Variants in ZNF704 observed in about 807,000 individuals in gnomAD.
ZNF704 encodes the protein glucocorticoid induced gene 1.
In ZNF704, 10 loss-of-function variants were observed where a neutral mutation model predicts 44.7. The observed-to-expected ratio is 0.22, with a 90% CI of 0.14 to 0.38. ZNF704 has a LOEUF of 0.38. Among genes scored for constraint, ZNF704 ranks in the 10% least tolerant of loss-of-function variants. The probability of loss-of-function intolerance (pLI) is 1.00; values close to 1 mark genes in which losing one functional copy is unlikely to be tolerated. For synonymous variants in ZNF704, 211 were observed against 207.6 expected, an observed-to-expected ratio of 1.02 and a Z score of -0.14; for missense variants, 390 against 545.5, an observed-to-expected ratio of 0.71 and a Z score of 2.84.
chr8:80,668,666 G>A (rs749069292), intron 5 of ZNF704, among the ~76,000 whole-genome samples: 9 of 152,220 alleles, frequency 5.9e-5, no homozygotes, highest in Non-Finnish European at 1.0e-4. Flanking sequence ...AGAATGGAGT[G>A]AGATTGAAAA....
At chr8:80,808,874 T>C (rs1295979510) in intron 2 of ZNF704, among the ~76,000 whole-genome samples, 14 of 152,244 alleles carry the variant, frequency 9.2e-5, no homozygotes. Context: ...TTTTCTGTTT[T>C]ATTCAGTAGC....
At chr8:80,687,526 G>T in intron 3 of ZNF704, 68 bp from the exon 4 acceptor site, 1 of 1,246,724 alleles carries the variant, frequency 8.0e-7, no homozygotes, top group Non-Finnish European at 1.1e-6. Flanking sequence ...GTGGGGAAAT[G>T]GGAGCCTTGG....
At chr8:80,710,111 A>C (rs115494823) in intron 2 of ZNF704, among the ~76,000 whole-genome samples, 2 of 152,294 alleles carry the variant, frequency 1.3e-5, no homozygotes, top group African/African-American at 4.8e-5. Context: ...AAAGATGGTC[A>C]GGTTAAATAA....
In ZNF704 at chr8:80,864,525, TA is replaced by T. The variant is rs571170042; in HGVS notation, c.-22+10045del. 3.8e-3 allele frequency among the ~76,000 whole-genome samples: 571 copies of T among 152,154 alleles called. 2 individuals are homozygous for T. The highest frequency in any genetic ancestry group is 0.012 in the African/African-American group (501 of 41,516). Reference sequence around the variant, plus strand: ...TCTTTGTTTGAAATATTTTATAAAATAAAAAAAATTGTATCTCTACTTTTAA... The same window carrying T: ...TCTTTGTTTGAAATATTTTATAAAATAAAAAAATTGTATCTCTACTTTTAA... On this transcript the variant is annotated intron_variant, in intron 1 of 8. Transcript: ENST00000327835.
intron 1 of ZNF704, among the ~76,000 whole-genome samples, chr8:80,831,321 A>T (rs371351531): frequency 3.3e-5 from 5 of 152,202 alleles, no homozygotes; most frequent in East Asian, 3.8e-4. Flanking sequence ...ATGCACCTGG[A>T]GAGCAACTTT....
At chr8:80,826,505 GC>G (rs1283845354) in intron 1 of ZNF704, among the ~76,000 whole-genome samples, 1 of 152,134 alleles carries the variant, frequency 6.6e-6, no homozygotes, top group Non-Finnish European at 1.5e-5. Flanking sequence ...ACAAAGAGGA[GC>G]TGGTACCATT....
At chr8:80,730,186 A>G (rs1007693333) in intron 2 of ZNF704, among the ~76,000 whole-genome samples, 2 of 152,216 alleles carry the variant, frequency 1.3e-5, no homozygotes, top group African/African-American at 4.8e-5. Flanking sequence ...TTACAGTTAA[A>G]AGAAGAAACA....
intron 1 of ZNF704, among the ~76,000 whole-genome samples, chr8:80,821,995 A>T (rs767688156): frequency 6.6e-6 from 1 of 152,238 alleles, no homozygotes; most frequent in Non-Finnish European, 1.5e-5. Context: ...TTAATAGAAG[A>T]GAGCTAATGT....
intron 7 of ZNF704, chr8:80,645,172 T>C (rs1434336312): frequency 2.0e-5 from 32 of 1,591,748 alleles, no homozygotes; most frequent in East Asian, 9.0e-5. Context: ...TTGTGCGACA[T>C]GATCGCTCGG....
intron 2 of ZNF704, among the ~76,000 whole-genome samples, chr8:80,778,816 G>A (rs2129694513): frequency 6.6e-6 from 1 of 152,250 alleles, no homozygotes; most frequent in African/African-American, 2.4e-5. Flanking sequence ...GAGAATTCAT[G>A]AACACAAAGA....
At chr8:80,851,674 T>C (rs1014785166) in intron 1 of ZNF704, among the ~76,000 whole-genome samples, 23 of 152,000 alleles carry the variant, frequency 1.5e-4, no homozygotes, top group African/African-American at 5.6e-4. Flanking sequence ...TGTATACATA[T>C]GTAACAAACC....
intron 2 of ZNF704, among the ~76,000 whole-genome samples, chr8:80,795,667 G>A (rs1017282898): frequency 1.3e-5 from 2 of 149,818 alleles, no homozygotes; most frequent in Non-Finnish European, 3.0e-5. Context: ...GCAGTGAGCC[G>A]AGATCGTGCC....
At chr8:80,749,356 T>C (rs1383393562) in intron 2 of ZNF704, among the ~76,000 whole-genome samples, 1 of 152,198 alleles carries the variant, frequency 6.6e-6, no homozygotes, top group African/African-American at 2.4e-5. Flanking sequence ...TTTTCTGTAC[T>C]TGTATACACA....
intron 1 of ZNF704, among the ~76,000 whole-genome samples, chr8:80,835,612 G>A (rs1417616366): frequency 6.6e-6 from 1 of 152,180 alleles, no homozygotes; most frequent in Admixed American, 6.5e-5. Flanking sequence ...GCTACATGTG[G>A]AGATATTTAA....
chr8:80,703,237 G>T (rs1167566456), intron 2 of ZNF704, among the ~76,000 whole-genome samples: 2 of 151,880 alleles, frequency 1.3e-5, no homozygotes, highest in Non-Finnish European at 2.9e-5. Flanking sequence ...AATAAGCTGT[G>T]CCCTCTGCTT....
intron 2 of ZNF704, among the ~76,000 whole-genome samples, chr8:80,711,983 C>T (rs1233287289): frequency 1.3e-5 from 2 of 152,168 alleles, no homozygotes; most frequent in South Asian, 4.1e-4. Context: ...TAAAAATGCC[C>T]TTAACAAATG....
chr8:80,650,786 C>T (rs1208250998), intron 7 of ZNF704, among the ~76,000 whole-genome samples: 1 of 152,120 alleles, frequency 6.6e-6, no homozygotes, highest in Non-Finnish European at 1.5e-5. Context: ...GCAAGGCAGG[C>T]CAATATTCAA....
intron 1 of ZNF704, among the ~76,000 whole-genome samples, chr8:80,854,685 G>A (rs1808928016): frequency 6.6e-6 from 1 of 152,134 alleles, no homozygotes; most frequent in African/African-American, 2.4e-5. Flanking sequence ...AAAGAGGGGT[G>A]GGAGCAGGAG....
At chr8:80,814,918 C>T (rs544245734) in intron 2 of ZNF704, among the ~76,000 whole-genome samples, 2 of 151,930 alleles carry the variant, frequency 1.3e-5, no homozygotes, top group Non-Finnish European at 2.9e-5. Context: ...TTGACATGGG[C>T]GACTTTCCGA....
Sources: allele counts gnomAD v4.1 joint callset (sites outside exome capture counted in the v4.1 genomes callset), GRCh38; gene constraint gnomAD v4.1.1; transcripts MANE v1.5; gene names NCBI Gene and HGNC (gene_info 2026-07-23, HGNC 2026-07-21).